Variants in DIPK1C observed in about 807,000 individuals in gnomAD.
The protein encoded by DIPK1C is divergent protein kinase domain 1C.
DIPK1C carries 33 observed loss-of-function variants against 28.0 expected under a neutral mutation model. The observed-to-expected ratio is 1.18, with a 90% CI of 0.89 to 1.58. DIPK1C has a LOEUF of 1.58. Among genes scored for constraint, DIPK1C ranks in the 40% most tolerant of loss-of-function variants. The pLI, the probability that DIPK1C is intolerant of heterozygous loss-of-function variation, is 0.00. For missense variants in DIPK1C, 569 were observed against 568.5 expected, an observed-to-expected ratio of 1.00 and a Z score of -0.01; for synonymous variants, 255 against 248.8, an observed-to-expected ratio of 1.02 and a Z score of -0.23.
At chr18:74,458,953 AAGTT>A (rs1230940718), upstream of DIPK1C, among the ~76,000 whole-genome samples, 2 of 152,106 alleles carry the variant, frequency 1.3e-5, no homozygotes, top group African/African-American at 4.8e-5. Context: ...AAAAAAAAAA[AAGTT>A]AGCAGGCATG....
At chr18:74,453,090 T>C (rs1986434241) in intron 1 of DIPK1C, among the ~76,000 whole-genome samples, 1 of 152,230 alleles carries the variant, frequency 6.6e-6, no homozygotes, top group Admixed American at 6.5e-5. Context: ...TTGATGCACA[T>C]TCCCATCAAA....
chr18:74,436,443 G>A lies in DIPK1C; in HGVS notation c.*58C>T, dbSNP rs1985993477. 6.1e-6 allele frequency: 9 copies of A among 1,475,474 alleles called. No homozygotes were observed. The highest frequency in any genetic ancestry group is 8.2e-6 in the Non-Finnish European group (9 of 1,097,220). The allele number at this position is 1,475,474 out of a possible 1,614,324, so 91.4% of individuals were successfully genotyped here. A position where few individuals can be genotyped will look rare whatever the true frequency, so the allele number is the denominator to read the frequency against. ...ATGGCTCATCTTTAAAACAATGGCA[G>A]AAGAAATCCAGCCAAGGTCACTTTT... is the stretch of plus-strand genomic sequence containing the variant. On this transcript the variant is annotated 3_prime_UTR_variant, in exon 4 of 4. Transcript: ENST00000343998.
In DIPK1C at chr18:74,436,882, T is replaced by C. The variant is rs548943481; in HGVS notation, c.1042-163A>G. 9.4e-5 allele frequency among the ~76,000 whole-genome samples: 14 copies of C among 148,376 alleles called. No individual in the cohort carries two copies. The South Asian group carries it at 3.2e-3, about 34-fold the overall frequency. On this transcript the variant is annotated intron_variant, in intron 3 of 3. Transcript: ENST00000343998. ...GACCATCCGATTTGGAAACATGCCT[T>C]CACTTCTGCCCCTTAAACCCTTCAG...
chr18:74,446,993 C>T lies in DIPK1C; in HGVS notation c.489G>A (p.Leu163=). Residue 163 remains leucine (L), a synonymous_variant, in exon 2 of 4, where the codon TTG becomes TTA. Transcript: ENST00000343998. ...GEVKSALGLE[L]SNSSLGPWWP... ...ACCACGGCCCCAGGCTGCTGTTGGA[C>T]AACTCCAGGCCCAGAGCGCTCTTGA... 1 of 1,526,538 alleles carries T rather than the reference C, an allele frequency of 6.6e-7. No homozygotes were observed. The allele number at this position is 1,526,538 out of a possible 1,614,324, so 94.6% of individuals were successfully genotyped here. A position where few individuals can be genotyped will look rare whatever the true frequency, so the allele number is the denominator to read the frequency against.
chr18:74,451,613 A>G (rs1986399782), intron 1 of DIPK1C, among the ~76,000 whole-genome samples: 1 of 152,230 alleles, frequency 6.6e-6, no homozygotes, highest in African/African-American at 2.4e-5. Flanking sequence ...CATCCAGCTC[A>G]TGGATTTTGG....
chr18:74,455,127 G>T lies in DIPK1C; in HGVS notation c.198+1935C>A, dbSNP rs552040662. On this transcript the variant is annotated intron_variant, in intron 1 of 3. Transcript: ENST00000343998. ...TGACTAGAAATGATTCCATATGGCT[G>T]CCATTGAAGATATATTGGTAAAGCC... Among the ~76,000 whole-genome samples, 3 of 152,288 alleles carry T rather than the reference G, an allele frequency of 2.0e-5. No homozygotes were observed. In the South Asian group the frequency reaches 6.2e-4, roughly 32 times the overall value.
Position 74,457,052 on chromosome 18 carries a change from C to A in DIPK1C, c.198+10G>T. The A allele has an allele frequency of 1.4e-6, 2 of 1,442,558 alleles. No individual in the cohort carries two copies. The highest frequency in any genetic ancestry group is 9.0e-7 in the Non-Finnish European group (1 of 1,106,912). 89.4% of individuals were successfully genotyped at this position (1,442,558 alleles called of 1,614,324 possible). A position where few individuals can be genotyped will look rare whatever the true frequency, so the allele number is the denominator to read the frequency against. On this transcript the variant is annotated intron_variant, in intron 1 of 3. Transcript: ENST00000343998. Reference sequence around the variant, plus strand: ...CGCGCGGCGCGGGGCAGAGCGGCGGCGGGACCTACCAGCGCGGCCAGGATG... The same window carrying A: ...CGCGCGGCGCGGGGCAGAGCGGCGGAGGGACCTACCAGCGCGGCCAGGATG...
chr18:74,453,550 C>T (rs1417890421), intron 1 of DIPK1C, among the ~76,000 whole-genome samples: 1 of 152,202 alleles, frequency 6.6e-6, no homozygotes, highest in African/African-American at 2.4e-5. Flanking sequence ...CTATTAAAAC[C>T]GAATCTCTAA....
chr18:74,443,094 A>T (rs1986180914), intron 2 of DIPK1C, among the ~76,000 whole-genome samples: 1 of 152,228 alleles, frequency 6.6e-6, no homozygotes, highest in African/African-American at 2.4e-5. Context: ...GAGGCCCTGA[A>T]CAGGAGCGAC....
chr18:74,460,315 A>T (rs912467702), upstream of DIPK1C, among the ~76,000 whole-genome samples: 3 of 152,220 alleles, frequency 2.0e-5, no homozygotes, highest in Admixed American at 2.0e-4. Flanking sequence ...GGGAAAAAGC[A>T]AGTTCCAAAA....
At chr18:74,442,204 G>A in intron 2 of DIPK1C, 88 bp from the exon 3 acceptor site, 2 of 1,485,360 alleles carry the variant, frequency 1.3e-6, no homozygotes, top group Non-Finnish European at 1.8e-6. Flanking sequence ...TTCACCTCGT[G>A]CGGGTGCCAC....
rs1172027845 is a variant in DIPK1C at position 74,446,909 on chromosome 18, C to T, written c.573G>A (p.Leu191=). The T allele has an allele frequency of 6.0e-6, 9 of 1,509,918 alleles. No homozygotes were observed. The highest frequency in any genetic ancestry group is 8.0e-6 in the Non-Finnish European group (9 of 1,123,932). The allele number at this position is 1,509,918 out of a possible 1,614,324, so 93.5% of individuals were successfully genotyped here. The stretch of plus-strand genomic sequence containing the variant: ...TGAAGTAGACGTACTCCTCCTGCTG[C>T]AGCAGGGCCCACAGGCTGGCCAGCT... ...RGQLASLWAL[L]QQEEYVYFSL... The change falls in exon 2 of 4, where the codon CTG becomes CTA. Residue 191 remains leucine (L), a synonymous_variant. Transcript: ENST00000343998.
At chr18:74,449,446 G>C (rs1330326753) in intron 1 of DIPK1C, among the ~76,000 whole-genome samples, 1 of 152,170 alleles carries the variant, frequency 6.6e-6, no homozygotes, top group African/African-American at 2.4e-5. Flanking sequence ...TTACTGAAAA[G>C]AAGCACTCCC....
upstream of DIPK1C, chr18:74,458,058 G>A (rs1986558724): frequency 1.3e-5 from 2 of 152,304 alleles, no homozygotes; most frequent in East Asian, 1.9e-4. Context: ...TATCATCTGG[G>A]AGAGCAGGCA....
At chr18:74,453,248 C>T (rs1170303886) in intron 1 of DIPK1C, among the ~76,000 whole-genome samples, 2 of 152,170 alleles carry the variant, frequency 1.3e-5, no homozygotes, top group Admixed American at 6.5e-5. Context: ...GTCTGAGGGC[C>T]GGGTTTCCTT....
At chr18:74,441,845 G>A in intron 3 of DIPK1C, 107 bp downstream of exon 3, 2 of 1,205,414 alleles carry the variant, frequency 1.7e-6, no homozygotes, top group Non-Finnish European at 2.4e-6. Context: ...CAGATGGATG[G>A]CCTGAAAAGG....
At position 74,446,629 on chromosome 18, in the gene DIPK1C, A is replaced by G. The variant is rs1159851150; in HGVS notation, c.853T>C (p.Phe285Leu). ...LHLCDIKPEN[F>L]AIRSDFTVVA... ...ACTGTGAAGTCGCTCCGGATGGCAAAGTTTTCCGGCTTGATGTCGCAGAGG... is the reference window on the plus strand; with the variant it reads ...ACTGTGAAGTCGCTCCGGATGGCAAGGTTTTCCGGCTTGATGTCGCAGAGG... Residue 285 changes from phenylalanine to leucine, a missense_variant, in exon 2 of 4, where the codon TTT becomes CTT. Transcript: ENST00000343998. The G allele has an allele frequency of 4.8e-6, 7 of 1,462,566 alleles. No homozygotes were observed. The Admixed American group carries it at 1.3e-4, about 28-fold the overall frequency. 90.6% of individuals were successfully genotyped at this position (1,462,566 alleles called of 1,614,324 possible). A position where few individuals can be genotyped will look rare whatever the true frequency, so the allele number is the denominator to read the frequency against.
At position 74,451,189 on chromosome 18, in the gene DIPK1C, C is replaced by T. The variant is rs537338320; in HGVS notation, c.199-3906G>A. The stretch of plus-strand genomic sequence containing the variant: ...CGGAGAAGAACTTGTGCAAAGGCCC[C>T]GAGTTTCAAAGTAGCCCTGTGTGTT... On this transcript the variant is annotated intron_variant, in intron 1 of 3. Transcript: ENST00000343998. Among the ~76,000 whole-genome samples, 145 of 152,278 alleles carry T rather than the reference C, an allele frequency of 9.5e-4. 1 individual carries two copies. The South Asian group carries it at 0.016, about 17-fold the overall frequency.
chr18:74,438,003 T>G (rs1307161802), intron 3 of DIPK1C, among the ~76,000 whole-genome samples: 4 of 152,230 alleles, frequency 2.6e-5, no homozygotes, highest in African/African-American at 9.6e-5. Context: ...GCGATCCTCC[T>G]GCCTCAGCCT....
Sources: gnomAD v4.1 joint callset for allele counts (sites outside exome capture counted in the v4.1 genomes callset) on GRCh38, gnomAD v4.1.1 for gene constraint, MANE v1.5 for transcripts, NCBI Gene and HGNC (gene_info 2026-07-23, HGNC 2026-07-21) for gene names.